WIPF3: variants seen among roughly 807,000 people sequenced by gnomAD.
WIPF3 encodes the protein WAS/WASL-interacting protein family member 3.
WIPF3 carries 33 observed loss-of-function variants against 38.9 expected under a neutral mutation model. The ratio of observed to expected loss-of-function variants is 0.85; its 90% CI spans 0.64 to 1.14. The LOEUF is 1.14. Among genes scored for constraint, WIPF3 ranks in the 50% most tolerant of loss-of-function variants. WIPF3 has a pLI of 0.00. For missense variants in WIPF3, 711 were observed against 652.5 expected (o/e 1.09, Z -0.98); for synonymous variants, 324 against 269.3 (o/e 1.20, Z -1.99).
At chr7:29,820,480 T>A (rs979483456) in intron 1 of WIPF3, among the ~76,000 whole-genome samples, 4 of 152,158 alleles carry the variant, frequency 2.6e-5, no homozygotes, top group Non-Finnish European at 5.9e-5. Flanking sequence ...CTTTTTTACA[T>A]GATCTGTTTT....
intron 2 of WIPF3, among the ~76,000 whole-genome samples, chr7:29,852,813 A>C (rs900170055): frequency 7.2e-5 from 11 of 152,252 alleles, no homozygotes; most frequent in African/African-American, 2.7e-4. Flanking sequence ...AAAAGGAAGG[A>C]GTGTGTGTCC....
intron 7 of WIPF3, among the ~76,000 whole-genome samples, chr7:29,899,299 G>A (rs1319256065): frequency 6.6e-6 from 1 of 152,226 alleles, no homozygotes; most frequent in Non-Finnish European, 1.5e-5. Context: ...ACTTATCAGA[G>A]AGGTCTCCCC....
intron 1 of WIPF3, among the ~76,000 whole-genome samples, chr7:29,817,898 G>T (rs1784480956): frequency 1.3e-5 from 2 of 152,042 alleles, no homozygotes; most frequent in Admixed American, 6.5e-5. Context: ...ATCAACTTTT[G>T]TATGATATTT....
rs1784567942 is a variant in WIPF3, at chr7:29,823,269, C to T, written c.-57-11399C>T. Among the ~76,000 whole-genome samples the T allele has an allele frequency of 1.3e-5, 2 of 152,064 alleles. No individual in the cohort carries two copies. Among genetic ancestry groups the T allele is most frequent in the South Asian group, 2.1e-4 (1 of 4,816 alleles). ...CTGTAAGCTTTGAGAACCCAACATT[C>T]ATTTTTTTTTTAGATGGAGTGTCAC... On this transcript the variant is annotated intron_variant, in intron 1 of 8. Transcript: ENST00000242140. The surrounding 1 kb of genome is among the most constrained non-coding windows in gnomAD (Gnocchi z 4.0).
At chr7:29,913,571 C>T (rs1028883824) in intron 8 of WIPF3, among the ~76,000 whole-genome samples, 4 of 152,102 alleles carry the variant, frequency 2.6e-5, no homozygotes, top group Admixed American at 6.5e-5. Flanking sequence ...CCTTCATATT[C>T]GTATGGCTCT....
rs1485234829 is a variant in WIPF3, at chr7:29,879,193, G to A, written c.355+53G>A. On this transcript the variant is annotated intron_variant, in intron 4 of 8. Coordinates refer to ENST00000242140, the MANE Select transcript of WIPF3 (RefSeq NM_001080529.3). ...TGTGGTCTGTATCTCCTTAACTTGTGGAACCATCTGGGCAATCCACACATG... is the reference window on the plus strand; with the variant it reads ...TGTGGTCTGTATCTCCTTAACTTGTAGAACCATCTGGGCAATCCACACATG... 9 of 1,578,708 alleles carry A rather than the reference G, an allele frequency of 5.7e-6. No homozygotes were observed. In the East Asian group the frequency reaches 1.8e-4, roughly 32 times the overall value.
intron 2 of WIPF3, among the ~76,000 whole-genome samples, chr7:29,866,609 G>A (rs1031993683): frequency 1.3e-5 from 2 of 152,226 alleles, no homozygotes; most frequent in Non-Finnish European, 2.9e-5. Flanking sequence ...CACTCATCAG[G>A]CTCTTCTCAG....
chr7:29,889,658 C>G (rs1000303512), intron 7 of WIPF3, among the ~76,000 whole-genome samples: 1 of 152,180 alleles, frequency 6.6e-6, no homozygotes, highest in Admixed American at 6.5e-5. Flanking sequence ...GATGCCTAAA[C>G]TTACCACTCA....
At chr7:29,900,672 G>A (rs544129240) in intron 7 of WIPF3, among the ~76,000 whole-genome samples, 2 of 152,358 alleles carry the variant, frequency 1.3e-5, no homozygotes, top group South Asian at 4.1e-4. Flanking sequence ...TAGAGATGAT[G>A]AGAAGCCTCC....
chr7:29,876,091 T>C, intron 3 of WIPF3, 129 bp downstream of exon 3: 1 of 1,295,182 alleles, frequency 7.7e-7, no homozygotes, highest in Non-Finnish European at 1.0e-6. Context: ...TCAGACCTGC[T>C]CATTGGACAG....
At chr7:29,843,463 C>T (rs77848901) in intron 2 of WIPF3, among the ~76,000 whole-genome samples, 5,475 of 152,218 alleles carry the variant, frequency 0.036, 268 homozygotes, top group African/African-American at 0.1. Context: ...CGCTCGCAGG[C>T]GGTGTCTGAG....
At chr7:29,898,038 C>T (rs1438011561) in intron 7 of WIPF3, among the ~76,000 whole-genome samples, 1 of 152,188 alleles carries the variant, frequency 6.6e-6, no homozygotes, top group African/African-American at 2.4e-5. Flanking sequence ...CCCCTGTTCT[C>T]TCTGGAGCCA....
rs761251360 is a variant in WIPF3, at chr7:29,875,826, A to T, written c.91-4A>T. The T allele has an allele frequency of 6.2e-7, 1 of 1,613,196 alleles. No homozygotes were observed. The highest frequency in any genetic ancestry group is 8.5e-7 in the Non-Finnish European group (1 of 1,179,206). ...ATAGTCAAATCCCTTTTACTCCCTT[A>T]CAGGTAAGCACAGACACCTCCAGCT... is the stretch of plus-strand genomic sequence containing the variant. On this transcript the variant is annotated splice_region_variant and splice_polypyrimidine_tract_variant and intron_variant, in intron 2 of 8. Transcript: ENST00000242140.
At chr7:29,849,170 A>G (rs1785050626) in intron 2 of WIPF3, among the ~76,000 whole-genome samples, 1 of 152,024 alleles carries the variant, frequency 6.6e-6, no homozygotes, top group Non-Finnish European at 1.5e-5. Flanking sequence ...ATTAACGTTA[A>G]GGTTTTATTG....
chr7:29,836,755 G>GGC (rs1312076444), intron 2 of WIPF3, among the ~76,000 whole-genome samples: 3 of 152,244 alleles, frequency 2.0e-5, no homozygotes, highest in South Asian at 2.1e-4. Context: ...TTGGGAGGCC[G>GGC]AGGTGGGCAG....
Position 29,839,229 on chromosome 7 carries a change from C to T in WIPF3, c.90+4415C>T, listed in dbSNP as rs994458743. ...AAACTGTACAAAATTATTTTATGTG[C>T]TTTTCTATTTGTGGCACTGGACAAT... is the stretch of plus-strand genomic sequence containing the variant. On this transcript the variant is annotated intron_variant, in intron 2 of 8. Transcript: ENST00000242140. 2.0e-5 allele frequency among the ~76,000 whole-genome samples: 3 copies of T among 152,108 alleles called. No individual in the cohort carries two copies. In the East Asian group the frequency reaches 5.8e-4, roughly 29 times the overall value.
Position 29,879,113 on chromosome 7 carries a change from C to A in WIPF3, c.328C>A (p.Arg110=). The A allele has an allele frequency of 6.2e-7, 1 of 1,612,178 alleles. No individual in the cohort carries two copies. The highest frequency in any genetic ancestry group is 8.5e-7 in the Non-Finnish European group (1 of 1,179,132). The change falls in exon 4 of 9, where the codon CGA becomes AGA. Residue 110 remains arginine, a synonymous_variant. Transcript: ENST00000242140. ...DLFAGGFPVL[R]PAGQRDVAGG... Reference sequence around the variant, plus strand: ...GTTTGCTGGTGGCTTTCCTGTATTGCGACCAGCAGGCCAGCGGGATGTAGC... The same window carrying A: ...GTTTGCTGGTGGCTTTCCTGTATTGAGACCAGCAGGCCAGCGGGATGTAGC...
chr7:29,824,436 A>T (rs537382889), intron 1 of WIPF3, among the ~76,000 whole-genome samples: 1 of 152,348 alleles, frequency 6.6e-6, no homozygotes, highest in South Asian at 2.1e-4. Context: ...GAAGAAAGCC[A>T]ATGCAGAGAA....
At chr7:29,833,412 T>A (rs1398624380) in intron 1 of WIPF3, among the ~76,000 whole-genome samples, 1 of 152,254 alleles carries the variant, frequency 6.6e-6, no homozygotes, top group African/African-American at 2.4e-5. Context: ...AAAGAGTTAA[T>A]GTCTCTGAAC....
Sources: gnomAD v4.1 joint callset for allele counts (sites outside exome capture counted in the v4.1 genomes callset) on GRCh38, gnomAD v4.1.1 for gene constraint, Gnocchi (gnomAD v3.1) non-coding constraint, MANE v1.5 for transcripts, NCBI Gene and HGNC (gene_info 2026-07-23, HGNC 2026-07-21) for gene names.